MIPOL1: variants seen among roughly 807,000 people sequenced by gnomAD.
MIPOL1 encodes mirror-image polydactyly gene 1 protein.
A neutral mutation model predicts 60.9 loss-of-function variants in MIPOL1; 57 were observed. The observed-to-expected ratio is 0.94, with a 90% CI of 0.76 to 1.17. MIPOL1 has a LOEUF of 1.17. MIPOL1 is among the 50% of genes most tolerant of loss of function. MIPOL1 has a pLI of 0.00. For synonymous variants in MIPOL1, 179 were observed against 168.8 expected (o/e 1.06, Z -0.47); for missense variants, 551 against 511.6 (o/e 1.08, Z -0.74).
At chr14:37,359,393 C>T (rs1046041579) in intron 9 of MIPOL1, among the ~76,000 whole-genome samples, 2 of 152,028 alleles carry the variant, frequency 1.3e-5, no homozygotes, top group Admixed American at 6.6e-5. Context: ...TAGCTTGATG[C>T]GGATAGCATT....
At chr14:37,337,294 T>A (rs1245719930) in intron 9 of MIPOL1, among the ~76,000 whole-genome samples, 8 of 144,124 alleles carry the variant, frequency 5.6e-5, no homozygotes, top group South Asian at 2.2e-4. Context: ...TGATGTTGAA[T>A]GCCTTTTCCT....
At chr14:37,393,546 T>C (rs1595564682) in intron 10 of MIPOL1, among the ~76,000 whole-genome samples, 1 of 151,860 alleles carries the variant, frequency 6.6e-6, no homozygotes, top group East Asian at 1.9e-4. Context: ...CCTTGTAGTG[T>C]TTTTTAGTGA....
At chr14:37,398,746 T>A (rs747389049) in intron 10 of MIPOL1, among the ~76,000 whole-genome samples, 2 of 152,200 alleles carry the variant, frequency 1.3e-5, no homozygotes, top group Non-Finnish European at 2.9e-5. Context: ...GTGCAGGACA[T>A]TGAACGAGTA....
rs1265444352 is a variant in MIPOL1 at position 37,550,412 on chromosome 14, G to T, written c.*3441G>T. 1 of 151,366 alleles carries T rather than the reference G, an allele frequency of 6.6e-6. No homozygotes were observed. Among genetic ancestry groups the T allele is most frequent in the Non-Finnish European group, 1.5e-5 (1 of 67,710 alleles). The allele number at this position is 151,366 out of a possible 1,614,324, so 9.4% of individuals were successfully genotyped here. A position where few individuals can be genotyped will look rare whatever the true frequency, so the allele number is the denominator to read the frequency against. On this transcript the variant is annotated 3_prime_UTR_variant, in exon 13 of 13. Coordinates refer to ENST00000684589, the MANE Select transcript of MIPOL1 (RefSeq NM_001388067.1). ...ATATTTTTGTCTTTTCACATATGAT[G>T]TGTTTGGAACCCAAATTTTTTACTG...
chr14:37,423,819 T>C (rs2153552619), intron 11 of MIPOL1: 1 of 152,222 alleles, frequency 6.6e-6, no homozygotes, highest in South Asian at 2.1e-4. Context: ...ATTAAGAAAA[T>C]ATTATGTCAT....
chr14:37,498,107 G>C (rs139378497), intron 11 of MIPOL1, among the ~76,000 whole-genome samples: 1 of 152,216 alleles, frequency 6.6e-6, no homozygotes, highest in Non-Finnish European at 1.5e-5. Context: ...CTTACCAATT[G>C]TTGAGGAAAA....
rs188943202 is a variant in MIPOL1 at position 37,511,788 on chromosome 14, T to C, written c.1262+11650T>C. On this transcript the variant is annotated intron_variant, in intron 12 of 12. Coordinates refer to ENST00000684589, the MANE Select transcript of MIPOL1 (RefSeq NM_001388067.1). ...TCTGGGTTTTACACTGAAATAACTT[T>C]TGTCATATGTCATTTTTACTGTGGG... 8.5e-5 allele frequency among the ~76,000 whole-genome samples: 13 copies of C among 152,322 alleles called. No individual in the cohort carries two copies. The East Asian group carries it at 2.5e-3, about 29-fold the overall frequency.
chr14:37,222,311 C>T (rs561842950), intron 1 of MIPOL1, among the ~76,000 whole-genome samples: 41 of 151,558 alleles, frequency 2.7e-4, no homozygotes, highest in African/African-American at 9.4e-4. Flanking sequence ...CAGCCTGGAC[C>T]TCCTGGGCTC....
At chr14:37,242,207 A>G (rs1158669544) in intron 1 of MIPOL1, among the ~76,000 whole-genome samples, 1 of 151,982 alleles carries the variant, frequency 6.6e-6, no homozygotes, top group African/African-American at 2.4e-5. Context: ...TATACCTATA[A>G]ATATAAAATG....
chr14:37,435,393 A>G (rs149022186), intron 11 of MIPOL1, among the ~76,000 whole-genome samples: 83 of 152,064 alleles, frequency 5.5e-4, no homozygotes, highest in African/African-American at 1.8e-3. Flanking sequence ...AGATCACACT[A>G]TCTAAAATAG....
chr14:37,550,513 T>TATATATATATATATATATATATAC lies in MIPOL1; in HGVS notation c.*3543_*3544insTATATATATATATATATATATACA, dbSNP rs1220895783. On this transcript the variant is annotated 3_prime_UTR_variant, in exon 13 of 13. Coordinates refer to ENST00000684589, the MANE Select transcript of MIPOL1 (RefSeq NM_001388067.1). ...TATTTTACATATATATATATATATA[T>TATATATATATATATATATATATAC]ACATGCACACACACCGATACATTTA... 1.3e-4 allele frequency: 19 copies of TATATATATATATATATATATATAC among 146,466 alleles called. No individual in the cohort carries two copies. The highest frequency in any genetic ancestry group is 4.8e-4 in the African/African-American group (19 of 39,548). 9.1% of individuals were successfully genotyped at this position (146,466 alleles called of 1,614,324 possible).
intron 9 of MIPOL1, among the ~76,000 whole-genome samples, chr14:37,346,344 TAACTG>T: frequency 6.6e-6 from 1 of 151,880 alleles, no homozygotes; most frequent in Admixed American, 6.6e-5. Flanking sequence ...AATAAAAAAA[TAACTG>T]AAGGTGTGGC....
chr14:37,515,512 A>C (rs543228980), intron 12 of MIPOL1, among the ~76,000 whole-genome samples: 224 of 152,344 alleles, frequency 1.5e-3, no homozygotes, highest in Non-Finnish European at 2.5e-3. Context: ...CGTTTGCCTC[A>C]TACAACAGTA....
intron 3 of MIPOL1, among the ~76,000 whole-genome samples, chr14:37,261,534 T>G (rs2082520363): frequency 6.6e-6 from 1 of 152,074 alleles, no homozygotes. Flanking sequence ...ATACTTTTCT[T>G]GCTTTTCTTA....
At chr14:37,334,317 G>A (rs1375202055) in intron 9 of MIPOL1, among the ~76,000 whole-genome samples, 1 of 151,900 alleles carries the variant, frequency 6.6e-6, no homozygotes, top group Non-Finnish European at 1.5e-5. Context: ...ATGGAGATAT[G>A]AGACCTCGAC....
At chr14:37,392,171 A>T (rs1475135775) in intron 10 of MIPOL1, among the ~76,000 whole-genome samples, 1 of 152,166 alleles carries the variant, frequency 6.6e-6, no homozygotes, top group African/African-American at 2.4e-5. Flanking sequence ...GAGAAATGAC[A>T]TCTTTACCAT....
intron 7 of MIPOL1, among the ~76,000 whole-genome samples, chr14:37,295,183 A>G (rs987737956): frequency 6.6e-6 from 1 of 152,190 alleles, no homozygotes; most frequent in African/African-American, 2.4e-5. Flanking sequence ...TTCAACCCAG[A>G]ATTTCATATC....
intron 3 of MIPOL1, among the ~76,000 whole-genome samples, chr14:37,251,699 A>T (rs2153364474): frequency 6.6e-6 from 1 of 152,186 alleles, no homozygotes; most frequent in South Asian, 2.1e-4. Context: ...AGAGATCGTA[A>T]ATCTTATATG....
At chr14:37,304,621 G>A (rs569854565) in intron 7 of MIPOL1, among the ~76,000 whole-genome samples, 1 of 151,852 alleles carries the variant, frequency 6.6e-6, no homozygotes, top group Non-Finnish European at 1.5e-5. Context: ...TTTATCATTG[G>A]AGGTCAACGT....
Sources: gnomAD v4.1 joint callset for allele counts (sites outside exome capture counted in the v4.1 genomes callset) on GRCh38, gnomAD v4.1.1 for gene constraint, MANE v1.5 for transcripts, NCBI Gene and HGNC (gene_info 2026-07-23, HGNC 2026-07-21) for gene names.